The following TEK variants were observed in gnomAD, a reference collection of about 807,000 sequenced individuals.
TEK encodes TEK receptor tyrosine kinase.
A neutral mutation model predicts 131.8 loss-of-function variants in TEK; 43 were observed. The ratio of observed to expected loss-of-function variants is 0.33; its 90% CI spans 0.26 to 0.42. TEK has a LOEUF of 0.42. Among genes scored for constraint, TEK ranks in the 10% least tolerant of loss-of-function variants. The probability of loss-of-function intolerance (pLI) is 1.00; values close to 1 mark genes in which losing one functional copy is unlikely to be tolerated. For synonymous variants in TEK, 580 were observed against 491.6 expected, an observed-to-expected ratio of 1.18 and a Z score of -2.38; for missense variants, 1,162 against 1,384.4, an observed-to-expected ratio of 0.84 and a Z score of 2.55.
At chr9:27,219,489 G>T (rs1024279681) in intron 20 of TEK, among the ~76,000 whole-genome samples, 2 of 152,150 alleles carry the variant, frequency 1.3e-5, no homozygotes, top group East Asian at 3.8e-4. Context: ...GCCTGTCAGA[G>T]GGTAGGGAAC....
At chr9:27,138,696 C>G (rs530782575) in intron 1 of TEK, among the ~76,000 whole-genome samples, 1 of 152,290 alleles carries the variant, frequency 6.6e-6, no homozygotes, top group South Asian at 2.1e-4. Context: ...CACTTACACC[C>G]AGCTGTTTTT....
At chr9:27,158,990 C>T (rs1160914203) in intron 2 of TEK, among the ~76,000 whole-genome samples, 2 of 152,158 alleles carry the variant, frequency 1.3e-5, no homozygotes, top group Non-Finnish European at 2.9e-5. Flanking sequence ...CACAATAATG[C>T]TGTGTAACAT....
chr9:27,202,871 C>T lies in TEK; in HGVS notation c.1961C>T (p.Ser654Leu), dbSNP rs759328878. 9.9e-6 allele frequency: 16 copies of T among 1,614,012 alleles called. No individual in the cohort carries two copies. Among genetic ancestry groups the T allele is most frequent in the African/African-American group, 1.3e-5 (1 of 74,930 alleles). ...NIKISNITHS[S>L]AVISWTILDG... ...AAGATTTCCAACATTACACACTCCTCAGCTGTGATTTCTTGGACAATATTG... is the reference window on the plus strand; with the variant it reads ...AAGATTTCCAACATTACACACTCCTTAGCTGTGATTTCTTGGACAATATTG... The change falls in exon 13 of 23, where the codon TCA becomes TTA. Residue 654 changes from serine to leucine, a missense_variant. Ser to Leu is a moderately radical substitution (Grantham distance 145). Around this residue, in one of 6 missense-constraint regions of TEK, gnomAD observed 477 missense variants for 471.0 expected, o/e 1.01. Coordinates refer to ENST00000380036, the MANE Select transcript of TEK (RefSeq NM_000459.5).
chr9:27,154,959 A>C (rs1228287186), intron 1 of TEK, among the ~76,000 whole-genome samples: 5 of 152,214 alleles, frequency 3.3e-5, no homozygotes, highest in Non-Finnish European at 7.3e-5. Context: ...TTTCAAATCA[A>C]CTGCATTTTG....
At chr9:27,142,659 A>T (rs1415050688) in intron 1 of TEK, among the ~76,000 whole-genome samples, 1 of 152,248 alleles carries the variant, frequency 6.6e-6, no homozygotes, top group Non-Finnish European at 1.5e-5. Flanking sequence ...CAAAGTACTA[A>T]GGCAAAGGGG....
At chr9:27,211,121 A>T (rs1825597913) in intron 16 of TEK, among the ~76,000 whole-genome samples, 1 of 68,132 alleles carries the variant, frequency 1.5e-5, no homozygotes, top group Non-Finnish European at 2.8e-5. Flanking sequence ...GACTCAGTTT[A>T]AAAAAAAATA....
chr9:27,170,149 A>C (rs1043341970), intron 4 of TEK, among the ~76,000 whole-genome samples: 3 of 151,976 alleles, frequency 2.0e-5, no homozygotes, highest in Non-Finnish European at 4.4e-5. Flanking sequence ...ATCAAATCTC[A>C]TGAGAACTCA....
intron 21 of TEK, among the ~76,000 whole-genome samples, chr9:27,220,361 T>TTAATGACTC: frequency 6.6e-6 from 1 of 152,168 alleles, no homozygotes; most frequent in Admixed American, 6.5e-5. Context: ...CAGGAGGAAT[T>TTAATGACTC]TAATGACTCT....
chr9:27,120,831 G>A lies in TEK; in HGVS notation c.52+11189G>A, dbSNP rs1042740268. 3.3e-5 allele frequency among the ~76,000 whole-genome samples: 5 copies of A among 152,338 alleles called. No homozygotes were observed. In the South Asian group the frequency reaches 8.3e-4, roughly 25 times the overall value. On this transcript the variant is annotated intron_variant, in intron 1 of 22. Coordinates refer to ENST00000380036, the MANE Select transcript of TEK (RefSeq NM_000459.5). Reference sequence around the variant, plus strand: ...GCAGCCAGGGCAAAAGCTGGGATGAGGAGGGTTTGCACTGGTGCCTAAGAG... The same window carrying A: ...GCAGCCAGGGCAAAAGCTGGGATGAAGAGGGTTTGCACTGGTGCCTAAGAG...
At chr9:27,160,320 C>G (rs954576320) in intron 2 of TEK, among the ~76,000 whole-genome samples, 19 of 152,122 alleles carry the variant, frequency 1.2e-4, no homozygotes, top group African/African-American at 4.6e-4. Flanking sequence ...CCCACCAGGC[C>G]TGACTTTTAG....
intron 8 of TEK, among the ~76,000 whole-genome samples, chr9:27,183,988 G>A (rs1481039984): frequency 6.6e-6 from 1 of 152,320 alleles, no homozygotes; most frequent in South Asian, 2.1e-4. Flanking sequence ...GTAAGGTGGT[G>A]TTGCAACCCA....
chr9:27,118,699 A>C (rs1214233984), intron 1 of TEK, among the ~76,000 whole-genome samples: 4 of 152,144 alleles, frequency 2.6e-5, no homozygotes, highest in Non-Finnish European at 5.9e-5. Context: ...TCAAACTTTC[A>C]AGAACTGCCG....
At chr9:27,224,934 A>G (rs1164766529) in intron 21 of TEK, among the ~76,000 whole-genome samples, 2 of 152,238 alleles carry the variant, frequency 1.3e-5, no homozygotes, top group Non-Finnish European at 2.9e-5. Context: ...TCAGTGTGCA[A>G]AAATCACAAG....
At chr9:27,179,901 T>C (rs865851746) in intron 6 of TEK, among the ~76,000 whole-genome samples, 8 of 152,160 alleles carry the variant, frequency 5.3e-5, no homozygotes, top group African/African-American at 1.9e-4. Context: ...AGCTGAAAAT[T>C]GGGAAACACA....
intron 18 of TEK, among the ~76,000 whole-genome samples, chr9:27,217,311 A>C (rs77765731): frequency 6.6e-6 from 1 of 152,066 alleles, no homozygotes; most frequent in Non-Finnish European, 1.5e-5. Context: ...ACCCTACCCC[A>C]GTTTCCCTTT....
chr9:27,173,427 G>T, intron 6 of TEK, 65 bp downstream of exon 6: 1 of 1,607,372 alleles, frequency 6.2e-7, no homozygotes, highest in Non-Finnish European at 8.5e-7. Flanking sequence ...GATCCAGTTT[G>T]CTGTCAATCA....
chr9:27,125,917 C>T (rs1198540039), intron 1 of TEK, among the ~76,000 whole-genome samples: 1 of 152,088 alleles, frequency 6.6e-6, no homozygotes, highest in African/African-American at 2.4e-5. Context: ...TGAGCTTCTA[C>T]TCTGTGCCCA....
chr9:27,114,774 A>T (rs1381071442), intron 1 of TEK, among the ~76,000 whole-genome samples: 3 of 152,190 alleles, frequency 2.0e-5, no homozygotes, highest in African/African-American at 7.2e-5. Flanking sequence ...AACATAAAAG[A>T]TATACTCATA....
intron 12 of TEK, among the ~76,000 whole-genome samples, chr9:27,200,525 A>G (rs1403128427): frequency 1.3e-5 from 2 of 152,182 alleles, no homozygotes; most frequent in Non-Finnish European, 2.9e-5. Flanking sequence ...TGATCCCTAT[A>G]GGGTCAGGAA....
Sources: gnomAD v4.1 joint callset for allele counts (sites outside exome capture counted in the v4.1 genomes callset) on GRCh38, gnomAD v4.1.1 for gene constraint, gnomAD v4.1.1 regional missense constraint, MANE v1.5 for transcripts, NCBI Gene and HGNC (gene_info 2026-07-23, HGNC 2026-07-21) for gene names.